CNTN4: variants seen among roughly 807,000 people sequenced by gnomAD.
The protein encoded by CNTN4 is contactin 4, also known as contactin-4.
Under a neutral mutation model 122.5 loss-of-function variants are expected in CNTN4, and 77 were observed. The ratio of observed to expected loss-of-function variants is 0.63; its 90% CI spans 0.52 to 0.76. CNTN4 has a LOEUF of 0.76. CNTN4 is among the 30% of genes least tolerant of loss of function. The probability of loss-of-function intolerance (pLI) is 0.00; values close to 1 mark genes in which losing one functional copy is unlikely to be tolerated. For synonymous variants in CNTN4, 512 were observed against 447.0 expected, an observed-to-expected ratio of 1.15 and a Z score of -1.83; for missense variants, 1,256 against 1,259.1, an observed-to-expected ratio of 1.00 and a Z score of 0.04.
chr3:2,547,003 C>T (rs1178030313), intron 3 of CNTN4, among the ~76,000 whole-genome samples: 1 of 152,044 alleles, frequency 6.6e-6, no homozygotes, highest in Non-Finnish European at 1.5e-5. Context: ...GATTAATCTG[C>T]ACCAGAACAT....
At chr3:2,269,876 C>T (rs150852119) in intron 2 of CNTN4, among the ~76,000 whole-genome samples, 20 of 147,254 alleles carry the variant, frequency 1.4e-4, no homozygotes, top group Admixed American at 3.4e-4. Flanking sequence ...CACCACCCCC[C>T]GCCCATCCCC....
intron 3 of CNTN4, among the ~76,000 whole-genome samples, chr3:2,361,022 C>T (rs921572661): frequency 2.0e-5 from 3 of 152,094 alleles, no homozygotes; most frequent in African/African-American, 7.2e-5. Flanking sequence ...GTGGGTATTG[C>T]ACAATGTATT....
intron 3 of CNTN4, among the ~76,000 whole-genome samples, chr3:2,484,157 A>G (rs2076081143): frequency 6.6e-6 from 1 of 152,178 alleles, no homozygotes; most frequent in Non-Finnish European, 1.5e-5. Flanking sequence ...ATTAACAGAT[A>G]TTTTATTGAA....
At chr3:2,906,812 C>A (rs2094239340) in intron 12 of CNTN4, among the ~76,000 whole-genome samples, 1 of 149,274 alleles carries the variant, frequency 6.7e-6, no homozygotes, top group East Asian at 2.0e-4. Flanking sequence ...TCATTGCACT[C>A]CGGCCTGGGC....
intron 2 of CNTN4, among the ~76,000 whole-genome samples, chr3:2,123,725 GT>G (rs2033943706): frequency 6.6e-6 from 1 of 150,806 alleles, no homozygotes; most frequent in African/African-American, 2.4e-5. Flanking sequence ...TTTACTTTGT[GT>G]TTTGGGACTA....
chr3:2,486,661 T>C (rs2076171666), intron 3 of CNTN4, among the ~76,000 whole-genome samples: 1 of 152,208 alleles, frequency 6.6e-6, no homozygotes, highest in Non-Finnish European at 1.5e-5. Flanking sequence ...CAAGTATTTG[T>C]TTTGTCAGAA....
At chr3:3,032,051 G>C (rs1699209470) in intron 16 of CNTN4, among the ~76,000 whole-genome samples, 1 of 152,060 alleles carries the variant, frequency 6.6e-6, no homozygotes, top group Non-Finnish European at 1.5e-5. Context: ...GTGAAGAGAG[G>C]GTTCAAGAGA....
At chr3:2,639,483 C>T (rs1216993962) in intron 4 of CNTN4, among the ~76,000 whole-genome samples, 2 of 152,206 alleles carry the variant, frequency 1.3e-5, no homozygotes, top group Admixed American at 6.5e-5. Context: ...CACTTCCCTC[C>T]ACATTCATGG....
At position 2,756,760 on chromosome 3, in the gene CNTN4, G is replaced by A. The variant is rs77466969; in HGVS notation, c.358+11063G>A. On this transcript the variant is annotated intron_variant, in intron 6 of 24. Transcript: ENST00000418658. ...GGCAGAGATTGGAATGATCCAGCAG[G>A]GGAAACCAGTGATTGCTGAAAGCCA... 6.8e-4 allele frequency among the ~76,000 whole-genome samples: 103 copies of A among 152,256 alleles called. 1 individual carries two copies. In the East Asian group the frequency reaches 0.019, roughly 27 times the overall value.
chr3:2,345,550 C>T (rs531655902), intron 3 of CNTN4, among the ~76,000 whole-genome samples: 4 of 152,220 alleles, frequency 2.6e-5, no homozygotes, highest in African/African-American at 9.6e-5. Flanking sequence ...CATTTGTTCT[C>T]CCAACAACTA....
intron 17 of CNTN4, 57 bp downstream of exon 17, chr3:3,034,847 C>A: frequency 6.4e-7 from 1 of 1,566,342 alleles, no homozygotes; most frequent in Non-Finnish European, 8.8e-7. Flanking sequence ...CTGGACACAG[C>A]ACTGTGGCAA....
intron 3 of CNTN4, among the ~76,000 whole-genome samples, chr3:2,510,550 G>A (rs532870421): frequency 3.3e-5 from 5 of 152,192 alleles, no homozygotes; most frequent in East Asian, 1.9e-4. Flanking sequence ...GCCTTTTTAT[G>A]AGTGACACAG....
intron 2 of CNTN4, among the ~76,000 whole-genome samples, chr3:2,112,287 T>G (rs1410161752): frequency 6.6e-6 from 1 of 152,168 alleles, no homozygotes; most frequent in Non-Finnish European, 1.5e-5. Context: ...TCCAGTTGCT[T>G]TCAGTCAAAT....
chr3:3,019,791 T>TAC (rs1559796155), intron 14 of CNTN4, among the ~76,000 whole-genome samples: 1 of 84,528 alleles, frequency 1.2e-5, no homozygotes, highest in Non-Finnish European at 2.5e-5. Context: ...TATATATATA[T>TAC]ATATATACAC....
At chr3:2,601,970 A>G (rs2149751185) in intron 4 of CNTN4, among the ~76,000 whole-genome samples, 1 of 152,322 alleles carries the variant, frequency 6.6e-6, no homozygotes, top group South Asian at 2.1e-4. Flanking sequence ...TCCATCATAT[A>G]AACAGAACCA....
At chr3:2,647,465 G>T (rs1425861465) in intron 4 of CNTN4, among the ~76,000 whole-genome samples, 1 of 152,110 alleles carries the variant, frequency 6.6e-6, no homozygotes, top group Non-Finnish European at 1.5e-5. Context: ...CCCATTTTCT[G>T]CAGCTACAGC....
At chr3:2,244,526 C>G (rs1224843143) in intron 2 of CNTN4, among the ~76,000 whole-genome samples, 1 of 152,060 alleles carries the variant, frequency 6.6e-6, no homozygotes, top group African/African-American at 2.4e-5. Context: ...AACTATTTCA[C>G]TATTGTTTCT....
At chr3:2,628,420 G>A (rs1361403829) in intron 4 of CNTN4, among the ~76,000 whole-genome samples, 2 of 152,172 alleles carry the variant, frequency 1.3e-5, no homozygotes, top group Non-Finnish European at 2.9e-5. Context: ...GTTCCACAGT[G>A]CTGTGACCTT....
chr3:2,782,426 A>G (rs1465306764), intron 6 of CNTN4, among the ~76,000 whole-genome samples: 1 of 151,294 alleles, frequency 6.6e-6, no homozygotes, highest in Non-Finnish European at 1.5e-5. Context: ...AGACTTGAAA[A>G]TGTAATACAT....
Sources: allele counts gnomAD v4.1 joint callset (sites outside exome capture counted in the v4.1 genomes callset), GRCh38; gene constraint gnomAD v4.1.1; transcripts MANE v1.5; gene names NCBI Gene and HGNC (gene_info 2026-07-23, HGNC 2026-07-21).